MIPOL1: variants seen among roughly 807,000 people sequenced by gnomAD.
MIPOL1 encodes mirror-image polydactyly 1, also known as mirror-image polydactyly gene 1 protein.
In MIPOL1, 57 loss-of-function variants were observed where a neutral mutation model predicts 60.9. The ratio of observed to expected loss-of-function variants is 0.94; its 90% CI spans 0.76 to 1.17. The LOEUF (loss-of-function observed/expected upper bound fraction) is 1.17, where lower values mean the gene tolerates loss of function less well. Among genes scored for constraint, MIPOL1 ranks in the 50% most tolerant of loss-of-function variants. The probability of loss-of-function intolerance (pLI) is 0.00; values close to 1 mark genes in which losing one functional copy is unlikely to be tolerated. For missense variants in MIPOL1, 551 were observed against 511.6 expected, an observed-to-expected ratio of 1.08 and a Z score of -0.74; for synonymous variants, 179 against 168.8, an observed-to-expected ratio of 1.06 and a Z score of -0.47.
intron 11 of MIPOL1, among the ~76,000 whole-genome samples, chr14:37,486,802 T>C (rs2094953806): frequency 6.6e-6 from 1 of 152,154 alleles, no homozygotes; most frequent in Non-Finnish European, 1.5e-5. Flanking sequence ...CTCTTCTTAT[T>C]GAATACTCTT....
At chr14:37,309,257 C>T (rs1041767156) in intron 9 of MIPOL1, among the ~76,000 whole-genome samples, 2 of 151,984 alleles carry the variant, frequency 1.3e-5, no homozygotes, top group Non-Finnish European at 2.9e-5. Context: ...GCATGAGCCA[C>T]CACACCTGGC....
intron 1 of MIPOL1, among the ~76,000 whole-genome samples, chr14:37,200,884 G>T (rs1488554944): frequency 4.6e-5 from 4 of 86,466 alleles, no homozygotes; most frequent in African/African-American, 2.7e-4. Context: ...GTGTGTGTGT[G>T]TGTGTGTGTG....
intron 12 of MIPOL1, chr14:37,502,695 A>G (rs969052356): frequency 1.3e-5 from 2 of 152,184 alleles, no homozygotes; most frequent in Admixed American, 1.3e-4. Flanking sequence ...AAAATTCTAA[A>G]AACCAGAGCA....
At chr14:37,479,558 TTACAGCAATA>T (rs1286707622) in intron 11 of MIPOL1, among the ~76,000 whole-genome samples, 6 of 152,084 alleles carry the variant, frequency 3.9e-5, no homozygotes, top group African/African-American at 1.4e-4. Flanking sequence ...TAAGGAAATT[TTACAGCAATA>T]AATGCCCATA....
At chr14:37,232,047 A>C (rs975032451) in intron 1 of MIPOL1, among the ~76,000 whole-genome samples, 1 of 152,150 alleles carries the variant, frequency 6.6e-6, no homozygotes, top group Non-Finnish European at 1.5e-5. Context: ...ACACCACTGC[A>C]CTCCAGCCTG....
intron 10 of MIPOL1, chr14:37,396,956 C>T (rs186836150): frequency 1.3e-5 from 2 of 152,306 alleles, no homozygotes; most frequent in Admixed American, 1.3e-4. Context: ...TAATAACTAA[C>T]CTCCTGAATT....
At chr14:37,407,082 C>T (rs1392539607) in intron 10 of MIPOL1, among the ~76,000 whole-genome samples, 1 of 151,970 alleles carries the variant, frequency 6.6e-6, no homozygotes, top group East Asian at 1.9e-4. Flanking sequence ...TTTTAAATTG[C>T]AAAAGGCTTA....
chr14:37,460,057 TGACAGCAA>T (rs1181320179), intron 11 of MIPOL1, among the ~76,000 whole-genome samples: 1 of 150,826 alleles, frequency 6.6e-6, no homozygotes, highest in Non-Finnish European at 1.5e-5. Flanking sequence ...CCAGCCTGGA[TGACAGCAA>T]GACTCCATCT....
At chr14:37,314,249 A>G (rs2087644466) in intron 9 of MIPOL1, among the ~76,000 whole-genome samples, 1 of 152,140 alleles carries the variant, frequency 6.6e-6, no homozygotes, top group South Asian at 2.1e-4. Context: ...AGATCCAGAG[A>G]TCTTTCATGT....
intron 9 of MIPOL1, among the ~76,000 whole-genome samples, chr14:37,364,962 C>T (rs1325807221): frequency 6.6e-6 from 1 of 152,070 alleles, no homozygotes; most frequent in African/African-American, 2.4e-5. Context: ...TCATCTGTAG[C>T]TGTGATAAAT....
At chr14:37,222,559 A>G (rs151178473) in intron 1 of MIPOL1, among the ~76,000 whole-genome samples, 4 of 152,304 alleles carry the variant, frequency 2.6e-5, no homozygotes, top group African/African-American at 7.2e-5. Context: ...GGGCATGGAC[A>G]TAATTAAACC....
intron 10 of MIPOL1, among the ~76,000 whole-genome samples, chr14:37,375,373 G>C (rs1402450779): frequency 6.6e-6 from 1 of 151,928 alleles, no homozygotes; most frequent in Non-Finnish European, 1.5e-5. Context: ...ATGCCCTGCT[G>C]ATTTTTTTAT....
chr14:37,207,482 A>G (rs2139222446), intron 1 of MIPOL1, among the ~76,000 whole-genome samples: 1 of 152,290 alleles, frequency 6.6e-6, no homozygotes, highest in Middle Eastern at 3.4e-3. Context: ...ATTCATTAAT[A>G]TCAGAAAAGC....
At chr14:37,398,849 T>TA (rs2093428127) in intron 10 of MIPOL1, among the ~76,000 whole-genome samples, 1 of 152,218 alleles carries the variant, frequency 6.6e-6, no homozygotes, top group South Asian at 2.1e-4. Context: ...AAAAGGCAGA[T>TA]AAATGAGGAA....
chr14:37,199,844 G>C (rs901435373), intron 1 of MIPOL1, among the ~76,000 whole-genome samples: 1 of 152,086 alleles, frequency 6.6e-6, no homozygotes, highest in African/African-American at 2.4e-5. Flanking sequence ...TTTTTATTGC[G>C]TATATGCCTA....
At chr14:37,358,852 T>A (rs546237777) in intron 9 of MIPOL1, among the ~76,000 whole-genome samples, 1 of 152,332 alleles carries the variant, frequency 6.6e-6, no homozygotes, top group East Asian at 1.9e-4. Context: ...ATCCTATTTG[T>A]CAATTTTGGC....
chr14:37,243,873 A>G (rs746668052), intron 1 of MIPOL1, among the ~76,000 whole-genome samples: 2 of 152,130 alleles, frequency 1.3e-5, no homozygotes, highest in Non-Finnish European at 2.9e-5. Context: ...TGGTCAAAGA[A>G]CAAATTTTGT....
intron 1 of MIPOL1, among the ~76,000 whole-genome samples, chr14:37,238,357 C>G (rs919908128): frequency 9.9e-5 from 15 of 152,056 alleles, no homozygotes; most frequent in African/African-American, 3.6e-4. Flanking sequence ...TTCTACCTGT[C>G]CTGTGAATCC....
chr14:37,413,697 T>A (rs547595705), intron 10 of MIPOL1, among the ~76,000 whole-genome samples: 2 of 152,260 alleles, frequency 1.3e-5, no homozygotes, highest in African/African-American at 4.8e-5. Flanking sequence ...CAGGATAAGA[T>A]CTCCTCCCAG....
Sources: allele counts gnomAD v4.1 joint callset (sites outside exome capture counted in the v4.1 genomes callset), GRCh38; gene constraint gnomAD v4.1.1; transcripts MANE v1.5; gene names NCBI Gene and HGNC (gene_info 2026-07-23, HGNC 2026-07-21).